Variants in NBAS observed in about 807,000 individuals in gnomAD.
NBAS encodes the protein NAG/BC035112 fusion.
NBAS carries 219 observed loss-of-function variants against 302.5 expected under a neutral mutation model. The observed-to-expected ratio is 0.72, with a 90% CI of 0.65 to 0.81. NBAS has a LOEUF of 0.81. Among genes scored for constraint, NBAS ranks in the 30% least tolerant of loss-of-function variants. The pLI, the probability that NBAS is intolerant of heterozygous loss-of-function variation, is 0.00. For synonymous variants in NBAS, 1,118 were observed against 1,021.6 expected, an observed-to-expected ratio of 1.09 and a Z score of -1.80; for missense variants, 2,932 against 2,841.6, an observed-to-expected ratio of 1.03 and a Z score of -0.72.
the NBAS span, among the ~76,000 whole-genome samples, chr2:15,161,170 A>G: frequency 1.3e-5 from 2 of 152,200 alleles, no homozygotes; most frequent in Non-Finnish European, 2.9e-5. Context: ...ACGCAAGTTT[A>G]TTAACCCCTC....
intron 27 of NBAS, 109 bp from the exon 28 acceptor site, chr2:15,394,458 C>G (rs1572775938): frequency 8.6e-7 from 1 of 1,159,920 alleles, no homozygotes; most frequent in East Asian, 2.4e-5. Flanking sequence ...AAAAAATTAT[C>G]CCATAGTGTA....
At chr2:15,019,425 A>G in the NBAS span, among the ~76,000 whole-genome samples, 3 of 152,144 alleles carry the variant, frequency 2.0e-5, no homozygotes, top group African/African-American at 4.8e-5. Flanking sequence ...CCCTTTATAC[A>G]TTGTTCCTTA....
the NBAS span, among the ~76,000 whole-genome samples, chr2:15,141,793 C>G: frequency 1.3e-5 from 2 of 152,298 alleles, no homozygotes; most frequent in South Asian, 4.1e-4. Flanking sequence ...AGATCATACC[C>G]TTTCCCCCAA....
At chr2:15,282,701 A>G (rs760994885) in intron 42 of NBAS, among the ~76,000 whole-genome samples, 1 of 152,236 alleles carries the variant, frequency 6.6e-6, no homozygotes, top group Non-Finnish European at 1.5e-5. Flanking sequence ...AAACCAAGGC[A>G]TAGGATGTTT....
intron 48 of NBAS, among the ~76,000 whole-genome samples, chr2:15,192,258 G>T (rs1240928457): frequency 5.5e-5 from 8 of 145,194 alleles, no homozygotes; most frequent in African/African-American, 2.5e-5. Context: ...TTTGTCCACT[G>T]GTCTATCTCA....
At chr2:14,970,927 C>T in the NBAS span, among the ~76,000 whole-genome samples, 1 of 152,160 alleles carries the variant, frequency 6.6e-6, no homozygotes, top group South Asian at 2.1e-4. Flanking sequence ...AGCAGTGCCT[C>T]CTGGAAGCCA....
the NBAS span, among the ~76,000 whole-genome samples, chr2:15,150,815 T>C: frequency 6.6e-6 from 1 of 152,228 alleles, no homozygotes; most frequent in Non-Finnish European, 1.5e-5. Flanking sequence ...AAGTTCGCTC[T>C]GTGACAAATT....
intron 44 of NBAS, among the ~76,000 whole-genome samples, chr2:15,240,715 T>C (rs1667830672): frequency 6.6e-6 from 1 of 152,136 alleles, no homozygotes; most frequent in Non-Finnish European, 1.5e-5. Flanking sequence ...TCCAATGAAA[T>C]TGGAAATGCA....
the NBAS span, among the ~76,000 whole-genome samples, chr2:15,007,032 A>G: frequency 6.6e-6 from 1 of 152,226 alleles, no homozygotes; most frequent in Admixed American, 6.5e-5. Context: ...TAAGGTAGAC[A>G]TTAAGTCAGG....
At chr2:14,833,608 G>T in the NBAS span, among the ~76,000 whole-genome samples, 1 of 151,850 alleles carries the variant, frequency 6.6e-6, no homozygotes, top group Non-Finnish European at 1.5e-5. Flanking sequence ...ATAAATCAAA[G>T]AACAGTAGGA....
At chr2:15,181,492 C>T (rs1664817979) in intron 50 of NBAS, among the ~76,000 whole-genome samples, 1 of 152,122 alleles carries the variant, frequency 6.6e-6, no homozygotes, top group Non-Finnish European at 1.5e-5. Context: ...TGCAAGAGAA[C>T]GTTTATTAAG....
the NBAS span, among the ~76,000 whole-genome samples, chr2:14,957,976 T>G: frequency 6.6e-6 from 1 of 152,182 alleles, no homozygotes; most frequent in Non-Finnish European, 1.5e-5. Flanking sequence ...TTCTGGATGA[T>G]TCTCGAGATA....
At chr2:15,158,887 G>A in the NBAS span, among the ~76,000 whole-genome samples, 1 of 152,184 alleles carries the variant, frequency 6.6e-6, no homozygotes, top group Non-Finnish European at 1.5e-5. Context: ...CCCTAACCCA[G>A]TGTTTCCAGA....
chr2:14,784,029 G>A, the NBAS span, among the ~76,000 whole-genome samples: 1 of 152,074 alleles, frequency 6.6e-6, no homozygotes, highest in African/African-American at 2.4e-5. Flanking sequence ...GGTGTGAGAT[G>A]GTATCTCATT....
chr2:14,835,448 T>A, the NBAS span, among the ~76,000 whole-genome samples: 2 of 152,092 alleles, frequency 1.3e-5, no homozygotes, highest in African/African-American at 4.8e-5. Context: ...GTCACCTGCC[T>A]AATGACAACC....
At chr2:14,913,711 T>G in the NBAS span, among the ~76,000 whole-genome samples, 88,459 of 151,954 alleles carry the variant, frequency 0.58, 26,485 homozygotes, top group African/African-American at 0.7. Flanking sequence ...AGAACCAGCT[T>G]GGAAGTTACA....
chr2:14,786,123 T>C, the NBAS span, among the ~76,000 whole-genome samples: 2 of 152,236 alleles, frequency 1.3e-5, no homozygotes, highest in Non-Finnish European at 2.9e-5. Flanking sequence ...GTGTTTGTAG[T>C]ATTCTCTGAT....
At chr2:15,135,868 A>T in the NBAS span, among the ~76,000 whole-genome samples, 19 of 33,340 alleles carry the variant, frequency 5.7e-4, no homozygotes, top group African/African-American at 1.9e-3. Flanking sequence ...CTGATGAGCT[A>T]AAAAAAAAAA....
the NBAS span, among the ~76,000 whole-genome samples, chr2:14,964,933 A>T: frequency 6.6e-6 from 1 of 152,178 alleles, no homozygotes; most frequent in African/African-American, 2.4e-5. Flanking sequence ...ACACTTCTGA[A>T]TACCATATAA....
Sources: gnomAD v4.1 joint callset for allele counts (sites outside exome capture counted in the v4.1 genomes callset) on GRCh38, gnomAD v4.1.1 for gene constraint, MANE v1.5 for transcripts, NCBI Gene and HGNC (gene_info 2026-07-23, HGNC 2026-07-21) for gene names.